CCDC33: variants seen among roughly 807,000 people sequenced by gnomAD.
CCDC33 encodes the protein coiled-coil domain containing 33, also known as coiled-coil domain-containing protein 33.
In CCDC33, 94 loss-of-function variants were observed where a neutral mutation model predicts 91.9. The ratio of observed to expected loss-of-function variants is 1.02; its 90% CI spans 0.87 to 1.21. CCDC33 has a LOEUF of 1.21. CCDC33 is among the 50% of genes most tolerant of loss of function. The pLI is 0.00. For missense variants in CCDC33, 940 were observed against 935.5 expected (o/e 1.00, Z -0.06); for synonymous variants, 396 against 374.5 (o/e 1.06, Z -0.66).
At chr15:74,320,756 G>A (rs2959010) in intron 11 of CCDC33, among the ~76,000 whole-genome samples, 17,696 of 152,150 alleles carry the variant, frequency 0.12, 1,281 homozygotes, top group Middle Eastern at 0.2. Flanking sequence ...TCTCAGGAGC[G>A]CAGCCTCTCC....
At chr15:74,323,952 G>A (rs1029329199) in intron 11 of CCDC33, among the ~76,000 whole-genome samples, 1 of 152,028 alleles carries the variant, frequency 6.6e-6, no homozygotes, top group South Asian at 2.1e-4. Context: ...AATTAGCCCG[G>A]CATAGTGGCA....
At chr15:74,266,828 G>T in intron 4 of CCDC33, 41 bp downstream of exon 4, 2 of 1,416,772 alleles carry the variant, frequency 1.4e-6, no homozygotes, top group Non-Finnish European at 2.0e-6. Context: ...GAGCAGGTGG[G>T]AACCACCTTG....
intron 1 of CCDC33, among the ~76,000 whole-genome samples, chr15:74,205,792 T>G (rs559716666): frequency 6.6e-6 from 1 of 152,114 alleles, no homozygotes; most frequent in South Asian, 2.1e-4. Flanking sequence ...ACCTCCCTCC[T>G]CATGGGAAGA....
intron 8 of CCDC33, among the ~76,000 whole-genome samples, chr15:74,280,335 G>A (rs1361909397): frequency 6.6e-6 from 1 of 152,188 alleles, no homozygotes; most frequent in African/African-American, 2.4e-5. Context: ...CATCAGTGAT[G>A]GGGGAGGGCT....
chr15:74,280,647 T>C, intron 8 of CCDC33, 21 bp from the exon 9 acceptor site: 1 of 1,447,076 alleles, frequency 6.9e-7, no homozygotes, highest in Non-Finnish European at 9.1e-7. Flanking sequence ...GCAGGAGCCC[T>C]AGTTGATCCT....
intron 2 of CCDC33, among the ~76,000 whole-genome samples, chr15:74,228,958 C>T (rs989900247): frequency 1.1e-4 from 16 of 152,240 alleles, no homozygotes; most frequent in East Asian, 9.7e-4. Flanking sequence ...GGAGGGAGCC[C>T]GGGCTGACTT....
intron 2 of CCDC33, among the ~76,000 whole-genome samples, chr15:74,225,881 A>T (rs1425238704): frequency 1.3e-5 from 2 of 152,188 alleles, no homozygotes. Context: ...AGCCACCCCC[A>T]GCCTGGGTCC....
In CCDC33 at chr15:74,218,874, C is replaced by G. The variant is rs758227147; in HGVS notation, c.675+13C>G. ...CCCCATACTGCAGGTGGGTGCTTCC[C>G]TGGTCCCAGTTCAGGTTCTGGGCTC... is the stretch of plus-strand genomic sequence containing the variant. On this transcript the variant is annotated intron_variant, in intron 2 of 2. Transcript: ENST00000635913. The surrounding 1 kb of genome is among the most constrained non-coding windows in gnomAD (Gnocchi z 4.8). 1.3e-4 allele frequency: 161 copies of G among 1,215,048 alleles called. No individual in the cohort carries two copies. The highest frequency in any genetic ancestry group is 1.7e-4 in the Non-Finnish European group (159 of 954,066). 75.3% of individuals were successfully genotyped at this position (1,215,048 alleles called of 1,614,324 possible).
intron 10 of CCDC33, among the ~76,000 whole-genome samples, chr15:74,290,182 CTT>C (rs3057599): frequency 2.7e-5 from 4 of 145,506 alleles, no homozygotes; most frequent in African/African-American, 2.5e-5. Flanking sequence ...GTTTCTTTTC[CTT>C]TTTTTTTTTT....
At chr15:74,334,891 C>T in intron 17 of CCDC33, 84 bp from the exon 18 acceptor site, 1 of 1,124,708 alleles carries the variant, frequency 8.9e-7, no homozygotes, top group South Asian at 1.3e-5. Flanking sequence ...GCCTGGACAG[C>T]AGGCTCAGGC....
intron 7 of CCDC33, among the ~76,000 whole-genome samples, chr15:74,276,254 G>A (rs888601831): frequency 1.3e-5 from 2 of 152,218 alleles, no homozygotes; most frequent in African/African-American, 4.8e-5. Flanking sequence ...GATGGCAAAG[G>A]CTGAACTGGT....
intron 11 of CCDC33, among the ~76,000 whole-genome samples, chr15:74,315,496 A>G (rs2060072653): frequency 6.6e-6 from 1 of 152,240 alleles, no homozygotes; most frequent in Admixed American, 6.5e-5. Flanking sequence ...ATGGACATGG[A>G]GAAGGCTACT....
intron 11 of CCDC33, among the ~76,000 whole-genome samples, chr15:74,327,764 G>A (rs2060338801): frequency 1.3e-5 from 2 of 152,236 alleles, no homozygotes; most frequent in South Asian, 4.1e-4. Context: ...GGTGGGCTGA[G>A]GAACTGGCAG....
At chr15:74,245,571 G>T (rs1253331430) in intron 2 of CCDC33, among the ~76,000 whole-genome samples, 1 of 152,204 alleles carries the variant, frequency 6.6e-6, no homozygotes, top group African/African-American at 2.4e-5. Flanking sequence ...CCTGGGCGGC[G>T]GGGCGGGGAG....
intron 1 of CCDC33, 90 bp downstream of exon 1, chr15:74,236,830 G>T: frequency 7.7e-7 from 1 of 1,305,336 alleles, no homozygotes; most frequent in African/African-American, 1.5e-5. Context: ...CCTTAATCAT[G>T]ACAAAAGCTT....
At chr15:74,293,410 T>C (rs1353568047) in intron 10 of CCDC33, among the ~76,000 whole-genome samples, 1 of 152,186 alleles carries the variant, frequency 6.6e-6, no homozygotes, top group Non-Finnish European at 1.5e-5. Context: ...CATTCATCCA[T>C]CCATTCATCC....
chr15:74,326,553 C>T (rs1406837882), intron 11 of CCDC33, among the ~76,000 whole-genome samples: 6 of 152,246 alleles, frequency 3.9e-5, no homozygotes, highest in Admixed American at 6.5e-5. Flanking sequence ...AGGCCACCAG[C>T]GCTCAGTGGC....
chr15:74,298,874 G>A (rs923980815), intron 11 of CCDC33, among the ~76,000 whole-genome samples: 7 of 151,862 alleles, frequency 4.6e-5, no homozygotes, highest in Admixed American at 1.3e-4. Context: ...CACCACGCCC[G>A]GCTAATTTTT....
At chr15:74,258,603 C>T (rs1271832841) in intron 2 of CCDC33, among the ~76,000 whole-genome samples, 3 of 152,156 alleles carry the variant, frequency 2.0e-5, no homozygotes, top group African/African-American at 7.2e-5. Context: ...AGCCTTTGTG[C>T]ACGTGCATGT....
Sources: gnomAD v4.1 joint callset for allele counts (sites outside exome capture counted in the v4.1 genomes callset) on GRCh38, gnomAD v4.1.1 for gene constraint, Gnocchi (gnomAD v3.1) non-coding constraint, MANE v1.5 for transcripts, NCBI Gene and HGNC (gene_info 2026-07-23, HGNC 2026-07-21) for gene names.